Variants in COMMD1 observed in about 807,000 individuals in gnomAD.
The protein encoded by COMMD1 is COMM domain-containing protein 1.
In COMMD1, 10 loss-of-function variants were observed where a neutral mutation model predicts 17.2. The ratio of observed to expected loss-of-function variants is 0.58; its 90% confidence interval spans 0.36 to 0.99. The LOEUF (loss-of-function observed/expected upper bound fraction) is 0.99, where lower values mean the gene tolerates loss of function less well. Among genes scored for constraint, COMMD1 ranks in the 50% least tolerant of loss-of-function variants. The pLI, the probability that COMMD1 is intolerant of heterozygous loss-of-function variation, is 0.01. For synonymous variants in COMMD1, 97 were observed against 91.6 expected (o/e 1.06, Z -0.34); for missense variants, 270 against 231.8 (o/e 1.17, Z -1.07).
At chr2:62,026,171 C>T (rs551219102) in intron 2 of COMMD1, among the ~76,000 whole-genome samples, 12 of 152,212 alleles carry the variant, frequency 7.9e-5, no homozygotes, top group African/African-American at 2.4e-4. Flanking sequence ...TGTATTAGGC[C>T]GTTCTTTCTT....
intron 2 of COMMD1, among the ~76,000 whole-genome samples, chr2:62,017,253 A>G (rs1669473828): frequency 6.6e-6 from 1 of 152,246 alleles, no homozygotes; most frequent in South Asian, 2.1e-4. Flanking sequence ...CTGAATTATG[A>G]TAAACCTAGT....
chr2:61,974,167 C>CT (rs1671727027), intron 1 of COMMD1, among the ~76,000 whole-genome samples: 1 of 152,036 alleles, frequency 6.6e-6, no homozygotes, highest in African/African-American at 2.4e-5. Context: ...GGTGGCATGC[C>CT]TTTGTAATCC....
chr2:61,939,234 A>G (rs1670675763), intron 1 of COMMD1, among the ~76,000 whole-genome samples: 1 of 151,376 alleles, frequency 6.6e-6, no homozygotes, highest in Admixed American at 6.6e-5. Flanking sequence ...CGGGTGGGTC[A>G]CAAGGTCAGG....
chr2:62,101,024 C>T (rs1454647829), intron 2 of COMMD1, among the ~76,000 whole-genome samples: 1 of 151,758 alleles, frequency 6.6e-6, no homozygotes, highest in African/African-American at 2.4e-5. Flanking sequence ...TTAAATAAAA[C>T]CCATCTGATG....
chr2:61,925,446 G>A (rs1428563178), intron 1 of COMMD1, among the ~76,000 whole-genome samples: 2 of 152,042 alleles, frequency 1.3e-5, no homozygotes, highest in East Asian at 1.9e-4. Flanking sequence ...GTTGTTTGCT[G>A]GTTAATTTTG....
intron 1 of COMMD1, among the ~76,000 whole-genome samples, chr2:61,899,311 C>G (rs1376933686): frequency 6.6e-6 from 1 of 152,160 alleles, no homozygotes; most frequent in Non-Finnish European, 1.5e-5. Context: ...TGAGAAAATT[C>G]TGTACAAACA....
intron 2 of COMMD1, among the ~76,000 whole-genome samples, chr2:62,082,688 C>T (rs1281778755): frequency 1.1e-4 from 17 of 152,186 alleles, no homozygotes; most frequent in African/African-American, 4.1e-4. Flanking sequence ...GGTGAAACAT[C>T]GTCTCTACTA....
At chr2:62,072,452 C>T (rs1285240920) in intron 2 of COMMD1, among the ~76,000 whole-genome samples, 3 of 152,188 alleles carry the variant, frequency 2.0e-5, no homozygotes, top group African/African-American at 7.2e-5. Flanking sequence ...CACTTAAAGT[C>T]CCTCTCTGCT....
At chr2:62,115,376 C>A (rs1672563501) in intron 2 of COMMD1, among the ~76,000 whole-genome samples, 1 of 152,116 alleles carries the variant, frequency 6.6e-6, no homozygotes, top group African/African-American at 2.4e-5. Context: ...GAGGGAGAGG[C>A]CTGTTTGGCT....
intron 1 of COMMD1, among the ~76,000 whole-genome samples, chr2:61,952,630 A>G (rs2103671239): frequency 6.6e-6 from 1 of 152,270 alleles, no homozygotes; most frequent in Middle Eastern, 3.4e-3. Flanking sequence ...CAAATTTTCC[A>G]GGAAAACTCT....
chr2:61,990,911 C>T (rs867413890), intron 1 of COMMD1, among the ~76,000 whole-genome samples: 3 of 147,850 alleles, frequency 2.0e-5, no homozygotes, highest in East Asian at 2.0e-4. Flanking sequence ...TATACACACA[C>T]ACACACACAC....
At chr2:61,931,569 A>G (rs1670468698) in intron 1 of COMMD1, among the ~76,000 whole-genome samples, 1 of 152,186 alleles carries the variant, frequency 6.6e-6, no homozygotes, top group Admixed American at 6.5e-5. Context: ...GATCCTCCTC[A>G]GATTGGTCTA....
intron 1 of COMMD1, among the ~76,000 whole-genome samples, chr2:61,973,852 C>A (rs1054264185): frequency 1.3e-5 from 2 of 152,110 alleles, no homozygotes; most frequent in Non-Finnish European, 2.9e-5. Flanking sequence ...AATGTGTATA[C>A]CTATATAATC....
intron 1 of COMMD1, 93 bp from the exon 2 acceptor site, chr2:62,000,608 G>T: frequency 8.2e-7 from 1 of 1,215,534 alleles, no homozygotes; most frequent in East Asian, 2.4e-5. Context: ...AGTGATTTAA[G>T]AGTCACTCAA....
chr2:61,958,875 A>G (rs1301699227), intron 1 of COMMD1, among the ~76,000 whole-genome samples: 1 of 152,166 alleles, frequency 6.6e-6, no homozygotes, highest in Non-Finnish European at 1.5e-5. Context: ...TCTTGTTGAT[A>G]GTACTTCAGT....
intron 1 of COMMD1, among the ~76,000 whole-genome samples, chr2:61,932,166 T>TC (rs1053969223): frequency 2.0e-5 from 3 of 152,234 alleles, no homozygotes; most frequent in African/African-American, 7.2e-5. Flanking sequence ...GGCCTTTTCT[T>TC]CCCTCTCTGC....
intron 1 of COMMD1, among the ~76,000 whole-genome samples, chr2:61,941,788 C>T (rs1259566052): frequency 1.3e-5 from 2 of 152,176 alleles, no homozygotes; most frequent in African/African-American, 2.4e-5. Flanking sequence ...GAATTTTGTC[C>T]TTAAAATGGT....
At chr2:61,937,374 A>G (rs1400466028) in intron 1 of COMMD1, among the ~76,000 whole-genome samples, 1 of 152,194 alleles carries the variant, frequency 6.6e-6, no homozygotes, top group African/African-American at 2.4e-5. Flanking sequence ...CAGAGGCAAC[A>G]TCAGTGGCCA....
intron 2 of COMMD1, among the ~76,000 whole-genome samples, chr2:62,049,125 C>T (rs185979917): frequency 2.6e-5 from 4 of 151,212 alleles, no homozygotes; most frequent in Non-Finnish European, 5.9e-5. Context: ...TTGCCCAATA[C>T]TAAGGATATG....
Sources: allele counts gnomAD v4.1 joint callset (sites outside exome capture counted in the v4.1 genomes callset), GRCh38; gene constraint gnomAD v4.1.1; transcripts MANE v1.5; gene names NCBI Gene and HGNC (gene_info 2026-07-23, HGNC 2026-07-21).